AP1B1: variants seen among roughly 807,000 people sequenced by gnomAD.
The protein encoded by AP1B1 is AP-1 complex subunit beta-1.
A neutral mutation model predicts 104.3 loss-of-function variants in AP1B1; 36 were observed. That is an observed-to-expected ratio of 0.35 (90% CI 0.26 to 0.46). The LOEUF is 0.46. Among genes scored for constraint, AP1B1 ranks in the 20% least tolerant of loss-of-function variants. The probability of loss-of-function intolerance (pLI) is 1.00; values close to 1 mark genes in which losing one functional copy is unlikely to be tolerated. For synonymous variants in AP1B1, 504 were observed against 517.5 expected (o/e 0.97, Z 0.35); for missense variants, 901 against 1,247.9 (o/e 0.72, Z 4.19).
At position 29,358,758 on chromosome 22, in the gene AP1B1, G is replaced by C. The variant is rs1431226784; in HGVS notation, c.493C>G (p.Leu165Val). 6.2e-7 allele frequency: 1 copy of C among 1,614,182 alleles called. No homozygotes were observed. Among genetic ancestry groups the C allele is most frequent in the South Asian group, 1.1e-5 (1 of 91,074 alleles). Residue 165 changes from leucine to valine, a missense_variant, in exon 5 of 23, where the codon CTT becomes GTT. Physicochemically the swap from Leu to Val is conservative, Grantham distance 32. Around this residue, in one of 3 missense-constraint regions of AP1B1, gnomAD observed 471 missense variants for 696.7 expected, o/e 0.68. Coordinates refer to ENST00000357586, the MANE Select transcript of AP1B1 (RefSeq NM_001127.4). ...TTAGAGTCGGAGATGAGGTCTTTAA[G>C]GGTGTCCAGGAAGCCCTGGTCCTCC... ...LVEDQGFLDTLKDLISDSNPM... is the reference protein window; with the variant it reads ...LVEDQGFLDTVKDLISDSNPM...
intron 11 of AP1B1, among the ~76,000 whole-genome samples, chr22:29,344,968 C>T (rs557072080): frequency 6.6e-6 from 1 of 152,194 alleles, no homozygotes; most frequent in Non-Finnish European, 1.5e-5. Flanking sequence ...ATCCTTTGAG[C>T]CCAGGAGTTC....
At chr22:29,359,115 A>G (rs2148002239) in intron 4 of AP1B1, 144 bp from the exon 5 acceptor site, 1 of 804,014 alleles carries the variant, frequency 1.2e-6, no homozygotes, top group Non-Finnish European at 1.9e-6. Context: ...ACAGCCAACA[A>G]CAGCAAAAGT....
chr22:29,329,033 C>T, intron 22 of AP1B1, 138 bp from the exon 23 acceptor site: 1 of 1,468,048 alleles, frequency 6.8e-7, no homozygotes, highest in Non-Finnish European at 9.0e-7. Flanking sequence ...GCGCCTGGCA[C>T]AGATGTGAGG....
At chr22:29,352,090 G>A (rs1417466982) in intron 7 of AP1B1, among the ~76,000 whole-genome samples, 1 of 152,224 alleles carries the variant, frequency 6.6e-6, no homozygotes, top group Non-Finnish European at 1.5e-5. Context: ...CTCTCCAGAG[G>A]CAGCAGGCCC....
chr22:29,353,095 A>G (rs575942705), intron 7 of AP1B1, among the ~76,000 whole-genome samples: 1 of 152,328 alleles, frequency 6.6e-6, no homozygotes, highest in Admixed American at 6.5e-5. Flanking sequence ...CACATGGCTA[A>G]TGTCAGTAAA....
chr22:29,387,179 GCAA>G (rs1193286690), intron 1 of AP1B1, among the ~76,000 whole-genome samples: 2 of 152,084 alleles, frequency 1.3e-5, no homozygotes, highest in African/African-American at 4.8e-5. Flanking sequence ...ATCACTAATA[GCAA>G]CAGCCTGTAG....
intron 4 of AP1B1, 132 bp downstream of exon 4, chr22:29,359,692 C>T: frequency 1.7e-6 from 2 of 1,192,656 alleles, no homozygotes; most frequent in South Asian, 1.7e-5. Flanking sequence ...AAGAGGCCTG[C>T]AGGCTGGGCG....
chr22:29,346,798 G>C (rs916033402), intron 11 of AP1B1, among the ~76,000 whole-genome samples: 3 of 152,138 alleles, frequency 2.0e-5, no homozygotes, highest in Non-Finnish European at 2.9e-5. Context: ...TGGCAGTGGG[G>C]GGGGGTGACG....
At chr22:29,345,424 T>A (rs1221196607) in intron 11 of AP1B1, among the ~76,000 whole-genome samples, 1 of 144,512 alleles carries the variant, frequency 6.9e-6, no homozygotes, top group Non-Finnish European at 1.5e-5. Flanking sequence ...CAGGCTGGAG[T>A]GCAGTGGTGT....
chr22:29,371,154 G>A (rs1353019960), intron 1 of AP1B1, among the ~76,000 whole-genome samples: 1 of 152,136 alleles, frequency 6.6e-6, no homozygotes, highest in African/African-American at 2.4e-5. Flanking sequence ...CTATCTCCTC[G>A]TGTCCTTTCT....
chr22:29,339,822 A>C, intron 14 of AP1B1, 48 bp from the exon 15 acceptor site: 1 of 1,586,550 alleles, frequency 6.3e-7, no homozygotes, highest in Non-Finnish European at 8.6e-7. Flanking sequence ...CCACATGCAG[A>C]GAGAAAAAGC....
intron 1 of AP1B1, among the ~76,000 whole-genome samples, chr22:29,368,217 G>A (rs1202590233): frequency 6.6e-6 from 1 of 151,992 alleles, no homozygotes; most frequent in Non-Finnish European, 1.5e-5. Context: ...AGAATCACTG[G>A]AACCCAAGAG....
At position 29,359,936 on chromosome 22, in the gene AP1B1, T is replaced by C. The variant is rs1228125102; in HGVS notation, c.167A>G (p.Asn56Ser). 3 of 1,613,688 alleles carry C rather than the reference T, an allele frequency of 1.9e-6. No individual in the cohort carries two copies. Among genetic ancestry groups the C allele is most frequent in the Non-Finnish European group, 2.5e-6 (3 of 1,179,876 alleles). Residue 56 changes from asparagine to serine, a missense_variant, in exon 4 of 23, where the codon AAC (asparagine) becomes AGC (serine). Physicochemically the swap from Asn to Ser is conservative, Grantham distance 46. Transcript: ENST00000357586. Reference sequence around the variant, plus strand: ...CTCCAGGTTGTCCGTCTGCATGCAGTTGACCACATCGGGGAAGAGGGCACT... The same window carrying C: ...CTCCAGGTTGTCCGTCTGCATGCAGCTGACCACATCGGGGAAGAGGGCACT... Reference protein sequence around the residue: ...DVSALFPDVVNCMQTDNLELK... With the variant: ...DVSALFPDVVSCMQTDNLELK...
intron 5 of AP1B1, among the ~76,000 whole-genome samples, chr22:29,358,384 T>G (rs989794543): frequency 3.3e-5 from 5 of 152,148 alleles, no homozygotes; most frequent in African/African-American, 1.2e-4. Flanking sequence ...AGGAGGGCAC[T>G]AGTATTGATG....
intron 1 of AP1B1, among the ~76,000 whole-genome samples, chr22:29,386,706 T>C (rs2062528380): frequency 1.3e-5 from 2 of 152,038 alleles, no homozygotes; most frequent in South Asian, 4.1e-4. Context: ...TCAGAAGCCA[T>C]GTGGAAGCCC....
intron 1 of AP1B1, among the ~76,000 whole-genome samples, chr22:29,369,145 G>A (rs1240925099): frequency 5.9e-5 from 9 of 152,140 alleles, no homozygotes; most frequent in African/African-American, 1.9e-4. Context: ...CTATACGGGG[G>A]CAAGATGAAA....
intron 17 of AP1B1, among the ~76,000 whole-genome samples, chr22:29,333,421 C>T (rs1477685726): frequency 6.6e-6 from 1 of 152,190 alleles, no homozygotes; most frequent in Non-Finnish European, 1.5e-5. Context: ...GGTAGGCAGG[C>T]CCACTCCCCA....
intron 15 of AP1B1, 105 bp from the exon 16 acceptor site, chr22:29,339,238 G>C: frequency 1.5e-6 from 2 of 1,332,124 alleles, no homozygotes; most frequent in South Asian, 2.5e-5. Flanking sequence ...CTGGGGGCAG[G>C]GGGCAGGACA....
At chr22:29,351,129 C>G (rs745675358) in intron 9 of AP1B1, 42 bp downstream of exon 9, 9 of 1,565,650 alleles carry the variant, frequency 5.7e-6, no homozygotes, top group Non-Finnish European at 7.0e-6. Flanking sequence ...GTTTCAGCCC[C>G]CTTTTCCTTC....
Sources: allele counts gnomAD v4.1 joint callset (sites outside exome capture counted in the v4.1 genomes callset), GRCh38; gene constraint gnomAD v4.1.1; regional missense constraint gnomAD v4.1.1; transcripts MANE v1.5; gene names NCBI Gene and HGNC (gene_info 2026-07-23, HGNC 2026-07-21).